Variants in ZNF616 observed in about 807,000 individuals in gnomAD.
The protein encoded by ZNF616 is zinc finger protein 616.
Under a neutral mutation model 7.6 loss-of-function variants are expected in ZNF616, and 5 were observed. The observed-to-expected ratio is 0.66, with a 90% CI of 0.34 to 1.38. The LOEUF is 1.38. Among genes scored for constraint, ZNF616 ranks in the 40% most tolerant of loss-of-function variants. The pLI, the probability that ZNF616 is intolerant of heterozygous loss-of-function variation, is 0.04. For synonymous variants in ZNF616, 319 were observed against 317.2 expected (o/e 1.01, Z -0.06); for missense variants, 913 against 948.3 (o/e 0.96, Z 0.49).
Position 52,114,106 on chromosome 19 carries a change from T to G in ZNF616, c.*712A>C, listed in dbSNP as rs1006318510. Reference sequence around the variant, plus strand: ...TGATTTCCTTTCAGTATAAACTCTCTTATGACAAGTAGTGATTGAACTCTA... The same window carrying G: ...TGATTTCCTTTCAGTATAAACTCTCGTATGACAAGTAGTGATTGAACTCTA... On this transcript the variant is annotated 3_prime_UTR_variant, in exon 4 of 4. Transcript: ENST00000600228. 2 of 152,202 alleles carry G rather than the reference T, an allele frequency of 1.3e-5. No homozygotes were observed. The highest frequency in any genetic ancestry group is 4.8e-5 in the African/African-American group (2 of 41,448). The allele number at this position is 152,202 out of a possible 1,614,324, so 9.4% of individuals were successfully genotyped here. A position where few individuals can be genotyped will look rare whatever the true frequency, so the allele number is the denominator to read the frequency against.
chr19:52,119,305 G>A (rs989308221), intron 3 of ZNF616, among the ~76,000 whole-genome samples: 1 of 150,242 alleles, frequency 6.7e-6, no homozygotes, highest in Non-Finnish European at 1.5e-5. Flanking sequence ...GAACCCGGGA[G>A]GTGGAGGTTA....
In ZNF616 at chr19:52,116,373, G is replaced by T. The variant is rs202056241; in HGVS notation, c.791C>A (p.Thr264Asn). 85 of 1,614,032 alleles carry T rather than the reference G, an allele frequency of 5.3e-5. No individual in the cohort carries two copies. The East Asian group carries it at 5.8e-4, about 11-fold the overall frequency. Residue 264 changes from threonine to asparagine, a missense_variant, in exon 4 of 4, where the codon ACT becomes AAT. Coordinates refer to ENST00000600228, the MANE Select transcript of ZNF616 (RefSeq NM_178523.5). ...ATTACATATGTAGGGTTTCTGTCCAGTGTGACTCCTTTGGTGTCTTACAAA... is the reference window on the plus strand; with the variant it reads ...ATTACATATGTAGGGTTTCTGTCCATTGTGACTCCTTTGGTGTCTTACAAA... ...SYFVRHQRSH[T>N]GQKPYICNEC...
intron 3 of ZNF616, among the ~76,000 whole-genome samples, chr19:52,123,021 GT>G (rs755844597): frequency 2.0e-5 from 3 of 152,190 alleles, no homozygotes; most frequent in Non-Finnish European, 2.9e-5. Flanking sequence ...ACACTATTGA[GT>G]TTGTGTAAGT....
chr19:52,122,860 T>C (rs1400916877), intron 3 of ZNF616, among the ~76,000 whole-genome samples: 1 of 152,054 alleles, frequency 6.6e-6, no homozygotes, highest in Non-Finnish European at 1.5e-5. Flanking sequence ...GGTCTCGATC[T>C]CCTGACCTCG....
At chr19:52,128,801 T>A (rs2088932280) in intron 2 of ZNF616, among the ~76,000 whole-genome samples, 1 of 151,848 alleles carries the variant, frequency 6.6e-6, no homozygotes, top group African/African-American at 2.4e-5. Flanking sequence ...GCTGATAAAT[T>A]ACATTGTGTA....
intron 3 of ZNF616, among the ~76,000 whole-genome samples, chr19:52,122,856 G>T (rs1252791786): frequency 7.9e-5 from 12 of 151,890 alleles, no homozygotes; most frequent in Non-Finnish European, 1.6e-4. Flanking sequence ...GGATGGTCTC[G>T]ATCTCCTGAC....
intron 3 of ZNF616, among the ~76,000 whole-genome samples, chr19:52,118,903 A>G (rs2088845871): frequency 6.6e-6 from 1 of 152,210 alleles, no homozygotes; most frequent in African/African-American, 2.4e-5. Flanking sequence ...TCCAATTTAC[A>G]AAGAAAGTAA....
Position 52,116,748 on chromosome 19 carries a change from T to C in ZNF616, c.416A>G (p.Gln139Arg). ...GDVENNHIEN[Q>R]LTSNFESRLA... ...ACGTGACTCAAAGTTTGATGTAAGC[T>C]GGTTTTCAATATGATTGTTTTCTAC... Residue 139 changes from glutamine to arginine, a missense_variant, in exon 4 of 4, where the codon CAG becomes CGG. Transcript: ENST00000600228. 5 of 1,614,190 alleles carry C rather than the reference T, an allele frequency of 3.1e-6. No individual in the cohort carries two copies. The highest frequency in any genetic ancestry group is 4.2e-6 in the Non-Finnish European group (5 of 1,180,032).
At chr19:52,133,438 G>A (rs1028277052) in intron 1 of ZNF616, among the ~76,000 whole-genome samples, 3 of 152,088 alleles carry the variant, frequency 2.0e-5, no homozygotes, top group Admixed American at 6.6e-5. Context: ...TAAGTTCAGG[G>A]GTACACGTGC....
At chr19:52,130,104 A>G (rs2088944832) in intron 2 of ZNF616, among the ~76,000 whole-genome samples, 1 of 152,176 alleles carries the variant, frequency 6.6e-6, no homozygotes, top group African/African-American at 2.4e-5. Context: ...ATTTATGCAC[A>G]TTAATATGTG....
Position 52,130,547 on chromosome 19 carries a change from T to A in ZNF616, c.-35A>T. 3 of 1,598,934 alleles carry A rather than the reference T, an allele frequency of 1.9e-6. No individual in the cohort carries two copies. Among genetic ancestry groups the A allele is most frequent in the Non-Finnish European group, 2.6e-6 (3 of 1,174,354 alleles). Reference sequence around the variant, plus strand: ...CTTTTCCTTCCTCTTCTTCCTCTTCTGGGTTTCTTTCTCAGTCAATGTAAT... The same window carrying A: ...CTTTTCCTTCCTCTTCTTCCTCTTCAGGGTTTCTTTCTCAGTCAATGTAAT... On this transcript the variant is annotated 5_prime_UTR_variant, in exon 2 of 4. Transcript: ENST00000600228.
intron 2 of ZNF616, among the ~76,000 whole-genome samples, chr19:52,126,035 T>C (rs889450811): frequency 2.0e-5 from 3 of 152,100 alleles, no homozygotes; most frequent in African/African-American, 7.2e-5. Flanking sequence ...TCTAGGGTAG[T>C]TGATTGGAAT....
At chr19:52,119,226 A>G (rs1164723990) in intron 3 of ZNF616, among the ~76,000 whole-genome samples, 1 of 151,958 alleles carries the variant, frequency 6.6e-6, no homozygotes, top group Non-Finnish European at 1.5e-5. Context: ...AAAATACAAA[A>G]ATTAGCTGGG....
intron 1 of ZNF616, among the ~76,000 whole-genome samples, chr19:52,134,984 C>G (rs116375313): frequency 6.4e-4 from 98 of 152,298 alleles, no homozygotes; most frequent in African/African-American, 2.2e-3. Context: ...CTTCCGAGGA[C>G]AGTCCCAGTT....
At chr19:52,125,316 G>A (rs1377620690) in intron 2 of ZNF616, among the ~76,000 whole-genome samples, 1 of 152,186 alleles carries the variant, frequency 6.6e-6, no homozygotes, top group African/African-American at 2.4e-5. Context: ...CTCCAGCTGT[G>A]AACGTGTGAA....
chr19:52,136,142 AG>A (rs1258935970), intron 1 of ZNF616, among the ~76,000 whole-genome samples: 2 of 64,650 alleles, frequency 3.1e-5, no homozygotes, highest in South Asian at 6.3e-4. Flanking sequence ...AAAAAAAAAA[AG>A]CGGGGGGGGG....
intron 1 of ZNF616, among the ~76,000 whole-genome samples, chr19:52,131,832 C>A (rs1340728464): frequency 2.6e-5 from 4 of 152,110 alleles, no homozygotes; most frequent in African/African-American, 9.7e-5. Flanking sequence ...TGGGAGAGGG[C>A]ACCTTTGCAG....
intron 2 of ZNF616, among the ~76,000 whole-genome samples, chr19:52,128,365 C>T (rs1325700595): frequency 6.6e-6 from 1 of 152,032 alleles, no homozygotes; most frequent in Non-Finnish European, 1.5e-5. Context: ...TTACTGCATT[C>T]TAGGAGCCAT....
Position 52,114,705 on chromosome 19 carries a change from C to A in ZNF616, c.*113G>T. The A allele has an allele frequency of 7.9e-7, 1 of 1,272,310 alleles. No individual in the cohort carries two copies. Among genetic ancestry groups the A allele is most frequent in the Non-Finnish European group, 1.1e-6 (1 of 932,276 alleles). The allele number at this position is 1,272,310 out of a possible 1,614,324, so 78.8% of individuals were successfully genotyped here. On this transcript the variant is annotated 3_prime_UTR_variant, in exon 4 of 4. Coordinates refer to ENST00000600228, the MANE Select transcript of ZNF616 (RefSeq NM_178523.5). ...GATTCAATCACCTCCCAATGGGCCC[C>A]ACCTCCAATACTGGAGATTACAATT...
Sources: allele counts gnomAD v4.1 joint callset (sites outside exome capture counted in the v4.1 genomes callset), GRCh38; gene constraint gnomAD v4.1.1; transcripts MANE v1.5; gene names NCBI Gene and HGNC (gene_info 2026-07-23, HGNC 2026-07-21).